TAFA1: variants seen among roughly 807,000 people sequenced by gnomAD.
The protein encoded by TAFA1 is TAFA chemokine like family member 1.
In TAFA1, 4 loss-of-function variants were observed where a neutral mutation model predicts 18.5. The observed-to-expected ratio is 0.22, with a 90% CI of 0.11 to 0.49. The LOEUF (loss-of-function observed/expected upper bound fraction) is 0.49, where lower values mean the gene tolerates loss of function less well. Among genes scored for constraint, TAFA1 ranks in the 20% least tolerant of loss-of-function variants. TAFA1 has a pLI of 0.98. For missense variants in TAFA1, 147 were observed against 169.0 expected, an observed-to-expected ratio of 0.87 and a Z score of 0.72; for synonymous variants, 56 against 55.2, an observed-to-expected ratio of 1.01 and a Z score of -0.06.
At chr3:68,263,959 A>C (rs553135999) in intron 2 of TAFA1, among the ~76,000 whole-genome samples, 1 of 152,292 alleles carries the variant, frequency 6.6e-6, no homozygotes, top group East Asian at 1.9e-4. Flanking sequence ...AGCTATATAG[A>C]ATTTTATTTT....
chr3:68,525,545 C>A (rs558132082), intron 3 of TAFA1, among the ~76,000 whole-genome samples: 76 of 152,216 alleles, frequency 5.0e-4, no homozygotes, highest in Non-Finnish European at 6.5e-4. Flanking sequence ...TATAGGAAAA[C>A]AAAGCTGTTG....
rs2073442866 is a variant in TAFA1, at chr3:68,545,395, A to C, written c.*892A>C. ...GCTTTGTATAGCTGTCCTAGACTGC[A>C]GAAATGTCCTCTGATTAAATCCAAA... is the stretch of plus-strand genomic sequence containing the variant. On this transcript the variant is annotated 3_prime_UTR_variant, in exon 5 of 5. Coordinates refer to ENST00000478136, the MANE Select transcript of TAFA1 (RefSeq NM_213609.4). 1 of 152,608 alleles carries C rather than the reference A, an allele frequency of 6.6e-6. No homozygotes were observed. The highest frequency in any genetic ancestry group is 1.5e-5 in the Non-Finnish European group (1 of 68,032). The allele number at this position is 152,608 out of a possible 1,614,324, so 9.5% of individuals were successfully genotyped here.
chr3:68,104,170 C>T (rs1234468008), intron 2 of TAFA1, among the ~76,000 whole-genome samples: 1 of 152,048 alleles, frequency 6.6e-6, no homozygotes, highest in African/African-American at 2.4e-5. Flanking sequence ...TGATTCTGGT[C>T]ATTAAGAGGC....
intron 2 of TAFA1, among the ~76,000 whole-genome samples, chr3:68,059,059 G>A (rs116146601): frequency 0.027 from 4,169 of 152,206 alleles, 102 homozygotes; most frequent in Non-Finnish European, 0.037. Flanking sequence ...TGATATCAAA[G>A]CACTTCTTTA....
intron 2 of TAFA1, among the ~76,000 whole-genome samples, chr3:68,039,459 A>T (rs1444714161): frequency 2.6e-5 from 4 of 152,148 alleles, no homozygotes; most frequent in African/African-American, 9.7e-5. Flanking sequence ...AGGCTTTTAT[A>T]TAATATATAT....
chr3:68,324,305 C>T (rs1311182326), intron 2 of TAFA1, among the ~76,000 whole-genome samples: 4 of 152,006 alleles, frequency 2.6e-5, no homozygotes, highest in Non-Finnish European at 5.9e-5. Flanking sequence ...CTTTTAAAAA[C>T]CATGGCCATA....
intron 3 of TAFA1, among the ~76,000 whole-genome samples, chr3:68,488,063 C>G (rs940230464): frequency 2.6e-5 from 4 of 152,028 alleles, no homozygotes; most frequent in African/African-American, 9.7e-5. Context: ...TACTAGTATG[C>G]GTATGTATTA....
chr3:68,372,940 A>C (rs2069740013), intron 2 of TAFA1, among the ~76,000 whole-genome samples: 1 of 152,152 alleles, frequency 6.6e-6, no homozygotes, highest in African/African-American at 2.4e-5. Context: ...AGTAAACAGG[A>C]AGGCCGCTGC....
At chr3:68,525,458 TC>T (rs2073096402) in intron 3 of TAFA1, among the ~76,000 whole-genome samples, 1 of 152,202 alleles carries the variant, frequency 6.6e-6, no homozygotes, top group African/African-American at 2.4e-5. Flanking sequence ...AAATATTTTT[TC>T]TGATAGGTAA....
chr3:68,180,908 C>T (rs2066189819), intron 2 of TAFA1, among the ~76,000 whole-genome samples: 3 of 152,160 alleles, frequency 2.0e-5, no homozygotes, highest in South Asian at 4.1e-4. Flanking sequence ...AGTGATGTGC[C>T]TTCTGAGATT....
intron 2 of TAFA1, among the ~76,000 whole-genome samples, chr3:68,328,056 G>C (rs1031887296): frequency 1.3e-5 from 2 of 152,132 alleles, no homozygotes; most frequent in African/African-American, 4.8e-5. Flanking sequence ...GTTCAGCCTG[G>C]TTAACGTCGG....
Position 68,096,655 on chromosome 3 carries a change from G to C in TAFA1, c.118+89911G>C, listed in dbSNP as rs188490718. On this transcript the variant is annotated intron_variant, in intron 2 of 4. Transcript: ENST00000478136. ...ACAGCTTGTATTCACAGCCAAGCTG[G>C]GATATAGGACAACAAAGCCTGTACT... is the stretch of plus-strand genomic sequence containing the variant. Among the ~76,000 whole-genome samples the C allele has an allele frequency of 1.4e-3, 206 of 152,094 alleles. 1 individual carries two copies. Among genetic ancestry groups the C allele is most frequent in the African/African-American group, 4.5e-3 (187 of 41,500 alleles).
Position 68,544,732 on chromosome 3 carries a change from A to G in TAFA1, c.*229A>G. 2.4e-6 allele frequency: 1 copy of G among 424,014 alleles called. No homozygotes were observed. Among genetic ancestry groups the G allele is most frequent in the Non-Finnish European group, 4.2e-6 (1 of 237,600 alleles). The allele number at this position is 424,014 out of a possible 1,614,324, so 26.3% of individuals were successfully genotyped here. On this transcript the variant is annotated 3_prime_UTR_variant, in exon 5 of 5. Transcript: ENST00000478136. Reference sequence around the variant, plus strand: ...GGCTTAAAAAAGGGTTTTCTCAGTGAAATTTTTGGGCATCATGAAGAACGA... The same window carrying G: ...GGCTTAAAAAAGGGTTTTCTCAGTGGAATTTTTGGGCATCATGAAGAACGA...
At chr3:68,187,633 G>A (rs776063426) in intron 2 of TAFA1, among the ~76,000 whole-genome samples, 117 of 152,008 alleles carry the variant, frequency 7.7e-4, no homozygotes, top group Non-Finnish European at 1.3e-3. Flanking sequence ...TTTCTTATAT[G>A]TGTTTTGGGA....
intron 2 of TAFA1, among the ~76,000 whole-genome samples, chr3:68,253,637 G>T (rs544963038): frequency 6.6e-6 from 1 of 152,084 alleles, no homozygotes; most frequent in African/African-American, 2.4e-5. Context: ...GTGATGATTG[G>T]GTTATGTTTC....
At chr3:68,232,708 T>G (rs893246890) in intron 2 of TAFA1, among the ~76,000 whole-genome samples, 77 of 152,084 alleles carry the variant, frequency 5.1e-4, no homozygotes, top group African/African-American at 1.7e-3. Flanking sequence ...TGGATTCAAG[T>G]GATCCTCCCA....
chr3:68,002,152 A>G (rs1049297403), upstream of TAFA1, among the ~76,000 whole-genome samples: 4 of 152,238 alleles, frequency 2.6e-5, no homozygotes, highest in Non-Finnish European at 5.9e-5. Flanking sequence ...ATGGCCTCAA[A>G]GATCAATATA....
intron 3 of TAFA1, among the ~76,000 whole-genome samples, chr3:68,534,671 CT>C (rs1288613315): frequency 2.0e-5 from 3 of 152,126 alleles, no homozygotes; most frequent in African/African-American, 7.2e-5. Context: ...TCTTTTCCCC[CT>C]ATGAACCAGT....
At chr3:68,506,487 A>T (rs1221879904) in intron 3 of TAFA1, among the ~76,000 whole-genome samples, 1 of 151,884 alleles carries the variant, frequency 6.6e-6, no homozygotes, top group Non-Finnish European at 1.5e-5. Flanking sequence ...ACACACACAC[A>T]CAGAGCAAAT....
Sources: gnomAD v4.1 joint callset for allele counts (sites outside exome capture counted in the v4.1 genomes callset) on GRCh38, gnomAD v4.1.1 for gene constraint, MANE v1.5 for transcripts, NCBI Gene and HGNC (gene_info 2026-07-23, HGNC 2026-07-21) for gene names.